The following ZNF385D variants were observed in gnomAD, a reference collection of about 807,000 sequenced individuals.
ZNF385D encodes zinc finger protein 385D, also known as zinc finger protein 659.
Under a neutral mutation model 35.8 loss-of-function variants are expected in ZNF385D, and 15 were observed. The ratio of observed to expected loss-of-function variants is 0.42; its 90% confidence interval spans 0.28 to 0.64. The LOEUF (loss-of-function observed/expected upper bound fraction) is 0.64. ZNF385D is among the 30% of genes least tolerant of loss of function. ZNF385D has a pLI of 0.23. For missense variants in ZNF385D, 474 were observed against 494.6 expected (o/e 0.96, Z 0.39); for synonymous variants, 212 against 186.8 (o/e 1.13, Z -1.10).
At chr3:22,070,379 GA>G (rs1284947120) in intron 3 of ZNF385D, among the ~76,000 whole-genome samples, 1 of 152,092 alleles carries the variant, frequency 6.6e-6, no homozygotes, top group Non-Finnish European at 1.5e-5. Flanking sequence ...CCGCTTTCAA[GA>G]AAAACATTCC....
rs570516651 is a variant in ZNF385D, at chr3:21,707,229, A to G, written c.23-42201T>C. On this transcript the variant is annotated intron_variant, in intron 1 of 7. Transcript: ENST00000281523. ...ATTGGCTTCATTTTGTGACTTACAAATCACATCATCTTTATTAAAGGCACT... is the reference window on the plus strand; with the variant it reads ...ATTGGCTTCATTTTGTGACTTACAAGTCACATCATCTTTATTAAAGGCACT... Among the ~76,000 whole-genome samples, 9 of 152,308 alleles carry G rather than the reference A, an allele frequency of 5.9e-5. No individual in the cohort carries two copies. In the East Asian group the frequency reaches 1.7e-3, roughly 29 times the overall value.
At chr3:21,840,305 A>T (rs1000587664) in intron 3 of ZNF385D, among the ~76,000 whole-genome samples, 5 of 152,066 alleles carry the variant, frequency 3.3e-5, no homozygotes, top group African/African-American at 9.7e-5. Flanking sequence ...GACTTCAAAG[A>T]CCTAAAATTA....
At chr3:21,690,687 A>G (rs775598086) in intron 1 of ZNF385D, among the ~76,000 whole-genome samples, 23 of 152,206 alleles carry the variant, frequency 1.5e-4, no homozygotes, top group Non-Finnish European at 3.1e-4. Flanking sequence ...TTCTCAAAGT[A>G]TGATCCCCAG....
intron 3 of ZNF385D, among the ~76,000 whole-genome samples, chr3:21,852,483 T>C (rs1696443081): frequency 6.6e-6 from 1 of 151,936 alleles, no homozygotes; most frequent in Admixed American, 6.6e-5. Context: ...TACATTACTT[T>C]TACTTTTGAG....
intron 3 of ZNF385D, among the ~76,000 whole-genome samples, chr3:21,790,850 T>G (rs545613579): frequency 6.6e-6 from 1 of 152,332 alleles, no homozygotes; most frequent in South Asian, 2.1e-4. Flanking sequence ...GATTGTAAAT[T>G]TATAGAATGT....
chr3:21,515,661 T>C (rs1707510225), intron 3 of ZNF385D, among the ~76,000 whole-genome samples: 1 of 152,256 alleles, frequency 6.6e-6, no homozygotes, highest in African/African-American at 2.4e-5. Flanking sequence ...AGCTCATTCC[T>C]GGGCGTGGGC....
At chr3:22,337,254 G>A (rs1225662970) in intron 2 of ZNF385D, among the ~76,000 whole-genome samples, 3 of 151,904 alleles carry the variant, frequency 2.0e-5, no homozygotes, top group Non-Finnish European at 2.9e-5. Context: ...ATGCTTGGCC[G>A]GATGTGGCAT....
chr3:21,508,014 TTTTTG>T (rs1251658400), intron 4 of ZNF385D, among the ~76,000 whole-genome samples: 3 of 152,238 alleles, frequency 2.0e-5, no homozygotes, highest in Non-Finnish European at 2.9e-5. Flanking sequence ...TTTGTTTGTT[TTTTTG>T]TTTTGTTTTG....
At chr3:22,000,423 T>G (rs1469316013) in intron 3 of ZNF385D, among the ~76,000 whole-genome samples, 1 of 152,104 alleles carries the variant, frequency 6.6e-6, no homozygotes, top group Non-Finnish European at 1.5e-5. Flanking sequence ...CATGGCAATG[T>G]CAGGAAGTTA....
At chr3:22,185,416 T>G (rs1167416548) in intron 2 of ZNF385D, among the ~76,000 whole-genome samples, 1 of 152,158 alleles carries the variant, frequency 6.6e-6, no homozygotes, top group Non-Finnish European at 1.5e-5. Flanking sequence ...TGGCAATCTC[T>G]TTTTCCTAAA....
At chr3:22,069,538 A>C (rs1215528050) in intron 3 of ZNF385D, among the ~76,000 whole-genome samples, 1 of 152,192 alleles carries the variant, frequency 6.6e-6, no homozygotes, top group African/African-American at 2.4e-5. Flanking sequence ...GACTCTTTGA[A>C]AAACTGAAGC....
chr3:21,487,205 A>G (rs1382980545), intron 4 of ZNF385D, among the ~76,000 whole-genome samples: 1 of 152,144 alleles, frequency 6.6e-6, no homozygotes, highest in Non-Finnish European at 1.5e-5. Context: ...GCTTTCCAGG[A>G]AAAATGCCTC....
intron 1 of ZNF385D, among the ~76,000 whole-genome samples, chr3:21,724,862 C>G (rs1474367780): frequency 1.3e-5 from 2 of 152,150 alleles, no homozygotes; most frequent in African/African-American, 4.8e-5. Context: ...CTCTCCACCC[C>G]AAATCAACAG....
intron 2 of ZNF385D, among the ~76,000 whole-genome samples, chr3:22,213,049 A>T (rs1697628886): frequency 6.6e-6 from 1 of 152,048 alleles, no homozygotes; most frequent in African/African-American, 2.4e-5. Flanking sequence ...GCAAGTTAAT[A>T]TGTGGAAGTT....
chr3:21,537,660 C>T (rs2062068933), intron 3 of ZNF385D, among the ~76,000 whole-genome samples: 1 of 152,114 alleles, frequency 6.6e-6, no homozygotes, highest in South Asian at 2.1e-4. Context: ...ATCAGTGCCT[C>T]ACATAGTCTT....
intron 3 of ZNF385D, among the ~76,000 whole-genome samples, chr3:21,531,755 T>C (rs2125535311): frequency 6.6e-6 from 1 of 152,184 alleles, no homozygotes; most frequent in Middle Eastern, 3.4e-3. Context: ...GAAGAAAAGA[T>C]AAAAAGGTGG....
chr3:22,317,638 T>G (rs1703973892), intron 2 of ZNF385D, among the ~76,000 whole-genome samples: 1 of 152,128 alleles, frequency 6.6e-6, no homozygotes, highest in Non-Finnish European at 1.5e-5. Flanking sequence ...CATCCCCTCC[T>G]CCCCTAGGAA....
At chr3:21,540,770 G>A (rs911706230) in intron 3 of ZNF385D, among the ~76,000 whole-genome samples, 1 of 152,136 alleles carries the variant, frequency 6.6e-6, no homozygotes, top group African/African-American at 2.4e-5. Context: ...TTACTTATGT[G>A]ATTATGAAAA....
intron 2 of ZNF385D, among the ~76,000 whole-genome samples, chr3:22,235,893 T>G (rs1381521511): frequency 6.6e-6 from 1 of 152,062 alleles, no homozygotes; most frequent in Non-Finnish European, 1.5e-5. Flanking sequence ...AAATAAAAAG[T>G]AAAAAGTAAA....
Sources: gnomAD v4.1 joint callset for allele counts (sites outside exome capture counted in the v4.1 genomes callset) on GRCh38, gnomAD v4.1.1 for gene constraint, MANE v1.5 for transcripts, NCBI Gene and HGNC (gene_info 2026-07-23, HGNC 2026-07-21) for gene names.